ZNF717: variants seen among roughly 807,000 people sequenced by gnomAD.
ZNF717 encodes the protein krueppel-like factor X17.
Under a neutral mutation model 13.8 loss-of-function variants are expected in ZNF717, and 9 were observed. The observed-to-expected ratio is 0.65, with a 90% CI of 0.39 to 1.14. ZNF717 has a LOEUF of 1.14. ZNF717 is among the 50% of genes most tolerant of loss of function. ZNF717 has a pLI of 0.01. For synonymous variants in ZNF717, 327 were observed against 364.1 expected (o/e 0.90, Z 1.16); for missense variants, 1,040 against 1,080.7 (o/e 0.96, Z 0.53).
intron 2 of ZNF717, among the ~76,000 whole-genome samples, chr3:75,765,360 A>T (rs1242726710): frequency 6.6e-6 from 1 of 152,180 alleles, no homozygotes. Context: ...TTATGATGGT[A>T]AATTTTAAGG....
At chr3:75,779,305 A>C (rs1944614943) in intron 2 of ZNF717, among the ~76,000 whole-genome samples, 1 of 149,392 alleles carries the variant, frequency 6.7e-6, no homozygotes, top group Non-Finnish European at 1.5e-5. Flanking sequence ...TGCTAAAACC[A>C]GAAACCTAAA....
At chr3:75,727,002 T>A (rs1271582726), downstream of ZNF717, among the ~76,000 whole-genome samples, 530 of 152,298 alleles carry the variant, frequency 3.5e-3, 2 homozygotes, top group African/African-American at 0.012. Context: ...GTAGAAACCT[T>A]CTTGCGGGAA....
intron 4 of ZNF717, among the ~76,000 whole-genome samples, chr3:75,724,797 C>A (rs1407900359): frequency 6.6e-6 from 1 of 151,266 alleles, no homozygotes; most frequent in Admixed American, 6.6e-5. Context: ...AAGCAGAGAA[C>A]AAAAACAAGC....
rs1440486394 is a variant in ZNF717, at chr3:75,736,583, C to G, written c.*295G>C. 1 of 369,832 alleles carries G rather than the reference C, an allele frequency of 2.7e-6. No homozygotes were observed. The highest frequency in any genetic ancestry group is 4.6e-6 in the Non-Finnish European group (1 of 217,074). The allele number at this position is 369,832 out of a possible 1,614,324, so 22.9% of individuals were successfully genotyped here. A position where few individuals can be genotyped will look rare whatever the true frequency, so the allele number is the denominator to read the frequency against. On this transcript the variant is annotated 3_prime_UTR_variant, in exon 5 of 5. Transcript: ENST00000652011. ...CCTAATCCTGAGAAAGGCCCTAACT[C>G]TCTTCAATTCTATGGAGGAGAAGAG...
In ZNF717 at chr3:75,737,135, A is replaced by C; in HGVS notation, c.2488T>G (p.Phe830Val). ...CCTGTGTGAGTTCTGTGATGTACAAAGAGTTTTGACTTCTGGGAGAAGGTT... is the reference window on the plus strand; with the variant it reads ...CCTGTGTGAGTTCTGTGATGTACAACGAGTTTTGACTTCTGGGAGAAGGTT... ...RKTFSQKSKLFVHHRTHTGEK... is the reference protein window; with the variant it reads ...RKTFSQKSKLVVHHRTHTGEK... Residue 830 changes from phenylalanine to valine, a missense_variant, in exon 5 of 5, where the codon TTT (phenylalanine) becomes GTT (valine). Around this residue, in one of 3 missense-constraint regions of ZNF717, gnomAD observed 873 missense variants for 832.8 expected, o/e 1.05. Coordinates refer to ENST00000652011, the MANE Select transcript of ZNF717 (RefSeq NM_001290208.3). 1.3e-6 allele frequency: 2 copies of C among 1,565,712 alleles called. No homozygotes were observed. Among genetic ancestry groups the C allele is most frequent in the South Asian group, 2.3e-5 (2 of 85,512 alleles).
rs1359776639 is a variant in ZNF717, at chr3:75,737,701, T to A, written c.1922A>T (p.His641Leu). 3 of 1,545,104 alleles carry A rather than the reference T, an allele frequency of 1.9e-6. No homozygotes were observed. Among genetic ancestry groups the A allele is most frequent in the Non-Finnish European group, 2.6e-6 (3 of 1,142,442 alleles). ...ACATACGTAAGGTTTCTCTCCTGTGTGAGTTCCCTGATGGGTGCTGAGATT... is the reference window on the plus strand; with the variant it reads ...ACATACGTAAGGTTTCTCTCCTGTGAGAGTTCCCTGATGGGTGCTGAGATT... Reference protein sequence around the residue: ...KSNLSTHQGTHTGEKPYVCNE... With the variant: ...KSNLSTHQGTLTGEKPYVCNE... Residue 641 changes from histidine (H) to leucine (L), a missense_variant, in exon 5 of 5, where the codon CAC becomes CTC. This residue lies in a region of ZNF717 where 873 missense variants were observed against 832.8 expected (regional missense o/e 1.05). Coordinates refer to ENST00000652011, the MANE Select transcript of ZNF717 (RefSeq NM_001290208.3).
intron 4 of ZNF717, among the ~76,000 whole-genome samples, chr3:75,720,731 C>T (rs1938151724): frequency 6.6e-6 from 1 of 152,140 alleles, no homozygotes; most frequent in African/African-American, 2.4e-5. Context: ...ATTTGTAAAC[C>T]CAGTGCTTTG....
intron 2 of ZNF717, among the ~76,000 whole-genome samples, chr3:75,773,875 C>T (rs1402671901): frequency 2.0e-5 from 3 of 152,162 alleles, no homozygotes; most frequent in Admixed American, 1.3e-4. Context: ...CAAGGAAAAA[C>T]CCCATCTCTA....
rs1416755489 is a variant in ZNF717 at position 75,741,157 on chromosome 3, A to G, written c.277+119T>C. 3 of 672,194 alleles carry G rather than the reference A, an allele frequency of 4.5e-6. No individual in the cohort carries two copies. In the African/African-American group the frequency reaches 5.4e-5, roughly 12 times the overall value. The allele number at this position is 672,194 out of a possible 1,614,324, so 41.6% of individuals were successfully genotyped here. A position where few individuals can be genotyped will look rare whatever the true frequency, so the allele number is the denominator to read the frequency against. ...GGACTATATAATGCACATTTAATGC[A>G]GACCAACAGCCTTCAGGTCGAAGAC... On this transcript the variant is annotated intron_variant, in intron 4 of 4. Transcript: ENST00000652011.
chr3:75,747,986 C>T (rs57111152), intron 2 of ZNF717, among the ~76,000 whole-genome samples: 14,174 of 152,028 alleles, frequency 0.093, 1,126 homozygotes, highest in African/African-American at 0.2. Context: ...ATCAAATATA[C>T]GCAATAAAAA....
At chr3:75,749,960 AG>A (rs1941572508) in intron 2 of ZNF717, among the ~76,000 whole-genome samples, 1 of 147,904 alleles carries the variant, frequency 6.8e-6, no homozygotes, top group Admixed American at 6.7e-5. Flanking sequence ...TACTGCTACG[AG>A]GGTCTGAATG....
intron 2 of ZNF717, among the ~76,000 whole-genome samples, chr3:75,743,385 C>T (rs1288624539): frequency 1.3e-5 from 2 of 152,180 alleles, no homozygotes; most frequent in Admixed American, 6.6e-5. Flanking sequence ...AGATGCAAAA[C>T]CCATGGATAC....
chr3:75,703,807 C>G (rs1244345895), intron 6 of ZNF717, among the ~76,000 whole-genome samples: 4 of 152,324 alleles, frequency 2.6e-5, no homozygotes, highest in African/African-American at 9.6e-5. Flanking sequence ...TACCAACCTT[C>G]TAGTTTAACA....
downstream of ZNF717, among the ~76,000 whole-genome samples, chr3:75,707,933 G>A (rs1937838970): frequency 6.6e-6 from 1 of 152,228 alleles, no homozygotes; most frequent in African/African-American, 2.4e-5. Flanking sequence ...GGCTTGATTA[G>A]GTAAACAAAG....
At chr3:75,719,993 A>ATAATAATAATAATAATAC (rs2106858845) in intron 4 of ZNF717, among the ~76,000 whole-genome samples, 1 of 150,158 alleles carries the variant, frequency 6.7e-6, no homozygotes, top group South Asian at 2.1e-4. Context: ...AATAATAATA[A>ATAATAATAATAATAATAC]TAATAACCAC....
At chr3:75,759,370 G>A (rs61359753) in intron 2 of ZNF717, among the ~76,000 whole-genome samples, 1 of 151,322 alleles carries the variant, frequency 6.6e-6, no homozygotes, top group Non-Finnish European at 1.5e-5. Flanking sequence ...CCACCTCCCG[G>A]GTTCACACCA....
chr3:75,731,487 G>A (rs1938545804), downstream of ZNF717, among the ~76,000 whole-genome samples: 1 of 152,040 alleles, frequency 6.6e-6, no homozygotes, highest in African/African-American at 2.4e-5. Flanking sequence ...CTTGAACCTG[G>A]GAGCCAGATG....
rs191454631 is a variant in ZNF717, at chr3:75,778,521, C to G, written c.57+4785G>C. Among the ~76,000 whole-genome samples the G allele has an allele frequency of 1.2e-3, 179 of 148,234 alleles. 3 individuals are homozygous for G. In the East Asian group the frequency reaches 0.033, roughly 28 times the overall value. On this transcript the variant is annotated intron_variant, in intron 2 of 4. Transcript: ENST00000652011. ...CCGGAACGCAAAACAATGGCAGTGA[C>G]GTGCTAAACCAGAAACCCAAAACAG...
intron 2 of ZNF717, among the ~76,000 whole-genome samples, chr3:75,769,200 G>T (rs1043906773): frequency 3.3e-5 from 5 of 152,142 alleles, no homozygotes; most frequent in African/African-American, 1.2e-4. Context: ...TCTGAGGGGC[G>T]ATCATGAGAG....
Sources: allele counts gnomAD v4.1 joint callset (sites outside exome capture counted in the v4.1 genomes callset), GRCh38; gene constraint gnomAD v4.1.1; regional missense constraint gnomAD v4.1.1; transcripts MANE v1.5; gene names NCBI Gene and HGNC (gene_info 2026-07-23, HGNC 2026-07-21).